Variants in EPHA5 observed in about 807,000 individuals in gnomAD.
EPHA5 encodes ephrin type-A receptor 5.
In EPHA5, 60 loss-of-function variants were observed where a neutral mutation model predicts 105.0. The observed-to-expected ratio is 0.57, with a 90% CI of 0.46 to 0.71. The LOEUF (loss-of-function observed/expected upper bound fraction) is 0.71. EPHA5 is among the 30% of genes least tolerant of loss of function. EPHA5 has a pLI of 0.00. For synonymous variants in EPHA5, 513 were observed against 449.1 expected (o/e 1.14, Z -1.80); for missense variants, 1,218 against 1,274.7 (o/e 0.96, Z 0.68).
At chr4:65,387,166 A>C (rs1340727873) in intron 8 of EPHA5, among the ~76,000 whole-genome samples, 3 of 151,934 alleles carry the variant, frequency 2.0e-5, no homozygotes, top group Admixed American at 6.6e-5. Context: ...AAGTGGAAGC[A>C]GGATTGATAG....
At chr4:65,510,842 A>G (rs1413862836) in intron 3 of EPHA5, among the ~76,000 whole-genome samples, 1 of 152,220 alleles carries the variant, frequency 6.6e-6, no homozygotes, top group Non-Finnish European at 1.5e-5. Context: ...ATGCTCAAGT[A>G]TAGGTAATTC....
At chr4:65,409,214 T>G (rs1722674703) in intron 7 of EPHA5, among the ~76,000 whole-genome samples, 1 of 108,950 alleles carries the variant, frequency 9.2e-6, no homozygotes, top group Non-Finnish European at 1.9e-5. Flanking sequence ...GGGGGAGGGA[T>G]AGCACTGGGA....
intron 3 of EPHA5, chr4:65,573,858 T>C (rs55693473): frequency 6.2e-7 from 1 of 1,613,028 alleles, no homozygotes; most frequent in East Asian, 2.2e-5. Flanking sequence ...AAAAAAACCC[T>C]TCAGTCAGCA....
intron 2 of EPHA5, among the ~76,000 whole-genome samples, chr4:65,621,490 C>T (rs1454117692): frequency 6.6e-6 from 1 of 152,130 alleles, no homozygotes; most frequent in Non-Finnish European, 1.5e-5. Flanking sequence ...CCTGATTTCT[C>T]ATCAAATTAT....
At chr4:65,456,583 A>G (rs1443472530) in intron 5 of EPHA5, among the ~76,000 whole-genome samples, 2 of 152,190 alleles carry the variant, frequency 1.3e-5, no homozygotes, top group Non-Finnish European at 2.9e-5. Flanking sequence ...AAGGAAGCCA[A>G]TTAATTAATG....
chr4:65,509,549 G>C (rs1578289484), intron 3 of EPHA5, among the ~76,000 whole-genome samples: 1 of 152,278 alleles, frequency 6.6e-6, no homozygotes, highest in East Asian at 1.9e-4. Context: ...GATTTTGTAA[G>C]ATGAGAACTT....
At chr4:65,451,178 T>C (rs1727030789) in intron 5 of EPHA5, among the ~76,000 whole-genome samples, 1 of 152,144 alleles carries the variant, frequency 6.6e-6, no homozygotes. Context: ...GTGAGATATC[T>C]TGCATCACAT....
In EPHA5 at chr4:65,495,579, G is replaced by T. The variant is rs771544476; in HGVS notation, c.911-36C>A. The T allele has an allele frequency of 1.9e-6, 3 of 1,565,404 alleles. No homozygotes were observed. In the Admixed American group the frequency reaches 5.5e-5, roughly 29 times the overall value. ...AAATAAGAGACTAAGCTTTTCCCTGGAACAGATGCAGTGTTTGTTTTGTGA... is the reference window on the plus strand; with the variant it reads ...AAATAAGAGACTAAGCTTTTCCCTGTAACAGATGCAGTGTTTGTTTTGTGA... On this transcript the variant is annotated intron_variant, in intron 3 of 16. Transcript: ENST00000613740.
intron 5 of EPHA5, among the ~76,000 whole-genome samples, chr4:65,453,636 A>G (rs977700799): frequency 2.6e-5 from 4 of 152,170 alleles, no homozygotes; most frequent in African/African-American, 9.7e-5. Flanking sequence ...TGTCTCAAGT[A>G]AGCATGTGTA....
chr4:65,666,703 T>A (rs537307974), intron 1 of EPHA5, among the ~76,000 whole-genome samples: 10 of 152,332 alleles, frequency 6.6e-5, no homozygotes, highest in Admixed American at 5.9e-4. Flanking sequence ...CTACTAAGGA[T>A]ATATTTATCT....
At chr4:65,418,711 T>C (rs537962486) in intron 6 of EPHA5, among the ~76,000 whole-genome samples, 10 of 152,132 alleles carry the variant, frequency 6.6e-5, no homozygotes, top group East Asian at 1.9e-4. Context: ...CCTGTAAATA[T>C]GTAGATAGCC....
chr4:65,488,209 G>T (rs1005050775), intron 5 of EPHA5, among the ~76,000 whole-genome samples: 4 of 152,108 alleles, frequency 2.6e-5, no homozygotes, highest in African/African-American at 7.2e-5. Context: ...GGGCCAGAAA[G>T]TTAAAGACAA....
chr4:65,641,018 T>A (rs1747616746), intron 2 of EPHA5, among the ~76,000 whole-genome samples: 1 of 152,112 alleles, frequency 6.6e-6, no homozygotes, highest in Non-Finnish European at 1.5e-5. Context: ...TTTGACAAAT[T>A]CCCAGCTGAG....
At chr4:65,382,936 G>A (rs1719703863) in intron 8 of EPHA5, among the ~76,000 whole-genome samples, 1 of 151,252 alleles carries the variant, frequency 6.6e-6, no homozygotes, top group Non-Finnish European at 1.5e-5. Flanking sequence ...TGGCCTGCAT[G>A]TAAGCAGAAA....
intron 11 of EPHA5, among the ~76,000 whole-genome samples, chr4:65,362,626 T>A (rs1403642554): frequency 6.8e-6 from 1 of 147,720 alleles, no homozygotes; most frequent in African/African-American, 2.7e-5. Context: ...CACAGTAACA[T>A]TTTTTAGAAT....
chr4:65,661,645 AAAGCTTTGGGTG>A (rs1256353367), intron 1 of EPHA5, among the ~76,000 whole-genome samples: 3 of 152,076 alleles, frequency 2.0e-5, no homozygotes, highest in Non-Finnish European at 4.4e-5. Context: ...ACACATGGTG[AAAGCTTTGGGTG>A]AAGCTTTGGG....
chr4:65,650,559 C>CAAAAAA (rs59357895), intron 1 of EPHA5, among the ~76,000 whole-genome samples: 4 of 117,010 alleles, frequency 3.4e-5, no homozygotes, highest in Admixed American at 8.6e-5. Context: ...GACTCAGTCT[C>CAAAAAA]AAAAAAAAAA....
At chr4:65,454,586 A>T (rs1488534526) in intron 5 of EPHA5, among the ~76,000 whole-genome samples, 1 of 152,190 alleles carries the variant, frequency 6.6e-6, no homozygotes, top group Non-Finnish European at 1.5e-5. Context: ...CAGATAATGT[A>T]ACTGCTCAAA....
intron 3 of EPHA5, among the ~76,000 whole-genome samples, chr4:65,595,657 TG>T (rs1208946760): frequency 1.3e-5 from 2 of 151,244 alleles, no homozygotes; most frequent in East Asian, 3.9e-4. Flanking sequence ...CTCCACTCAC[TG>T]CAAGCTCCAC....
Sources: allele counts gnomAD v4.1 joint callset (sites outside exome capture counted in the v4.1 genomes callset), GRCh38; gene constraint gnomAD v4.1.1; transcripts MANE v1.5; gene names NCBI Gene and HGNC (gene_info 2026-07-23, HGNC 2026-07-21).